STK35: variants seen among roughly 807,000 people sequenced by gnomAD.
STK35 encodes serine/threonine kinase 35.
A neutral mutation model predicts 37.3 loss-of-function variants in STK35; 17 were observed. The ratio of observed to expected loss-of-function variants is 0.46; its 90% CI spans 0.31 to 0.68. The LOEUF is 0.68. Ranked by LOEUF, STK35 falls within the 30% of genes least tolerant of loss-of-function variation. STK35 has a pLI of 0.05. For missense variants in STK35, 595 were observed against 746.7 expected, an observed-to-expected ratio of 0.80 and a Z score of 2.37; for synonymous variants, 385 against 319.1, an observed-to-expected ratio of 1.21 and a Z score of -2.20.
intron 3 of STK35, among the ~76,000 whole-genome samples, chr20:2,119,579 A>G (rs1985780702): frequency 6.6e-6 from 1 of 152,252 alleles, no homozygotes; most frequent in African/African-American, 2.4e-5. Context: ...CACCTTTACA[A>G]CCCTGCAAGG....
intron 3 of STK35, among the ~76,000 whole-genome samples, chr20:2,137,009 G>A (rs1420314773): frequency 6.6e-6 from 1 of 152,258 alleles, no homozygotes; most frequent in Non-Finnish European, 1.5e-5. Context: ...AGGAGCTGAA[G>A]ACCCAAAGCA....
At chr20:2,130,684 C>A (rs919779696) in intron 3 of STK35, among the ~76,000 whole-genome samples, 1 of 152,082 alleles carries the variant, frequency 6.6e-6, no homozygotes, top group South Asian at 2.1e-4. Context: ...TTGGGAAATA[C>A]TTTCTATTTT....
chr20:2,116,310 G>C (rs142046176), intron 2 of STK35, among the ~76,000 whole-genome samples: 1 of 152,202 alleles, frequency 6.6e-6, no homozygotes, highest in East Asian at 1.9e-4. Context: ...CAACAGACCC[G>C]TGACAGCCTT....
intron 3 of STK35, among the ~76,000 whole-genome samples, chr20:2,123,559 T>C (rs1050391105): frequency 6.6e-6 from 1 of 152,186 alleles, no homozygotes; most frequent in Non-Finnish European, 1.5e-5. Flanking sequence ...CCCAATTCAA[T>C]GACCAATTTT....
chr20:2,136,539 G>A (rs184668453), intron 3 of STK35, among the ~76,000 whole-genome samples: 3 of 152,226 alleles, frequency 2.0e-5, no homozygotes, highest in Non-Finnish European at 4.4e-5. Flanking sequence ...CAGTGGGAAC[G>A]TGTGCAGAGC....
At chr20:2,133,649 G>A (rs1344886229) in intron 3 of STK35, among the ~76,000 whole-genome samples, 2 of 152,216 alleles carry the variant, frequency 1.3e-5, no homozygotes, top group Non-Finnish European at 2.9e-5. Flanking sequence ...ATGACTCAGT[G>A]TGCAGCCCTG....
rs1259996096 is a variant in STK35, at chr20:2,102,128, G to T, written c.247G>T (p.Ala83Ser). The T allele has an allele frequency of 1.4e-6, 2 of 1,409,480 alleles. No individual in the cohort carries two copies. The highest frequency in any genetic ancestry group is 3.0e-5 in the African/African-American group (2 of 66,248). The allele number at this position is 1,409,480 out of a possible 1,614,324, so 87.3% of individuals were successfully genotyped here. Reference protein sequence around the residue: ...GPGADHPQAGAPGGKRAARKW... With the variant: ...GPGADHPQAGSPGGKRAARKW... ...CGGAGCGGACCATCCCCAGGCAGGG[G>T]CTCCAGGGGGGAAACGGGCCGCCCG... The change falls in exon 1 of 4, where the codon GCT becomes TCT. Residue 83 changes from alanine (A) to serine (S), a missense_variant. Ala to Ser is a moderately conservative substitution (Grantham distance 99). Transcript: ENST00000381482.
In STK35 at chr20:2,102,955, G is replaced by A. The variant is rs954406801; in HGVS notation, c.482G>A (p.Ser161Asn). 2 of 1,474,764 alleles carry A rather than the reference G, an allele frequency of 1.4e-6. No homozygotes were observed. The highest frequency in any genetic ancestry group is 1.8e-6 in the Non-Finnish European group (2 of 1,118,082). The allele number at this position is 1,474,764 out of a possible 1,614,324, so 91.4% of individuals were successfully genotyped here. ...KRRSPVPRAPSTKLRPAAAAR... is the reference protein window; with the variant it reads ...KRRSPVPRAPNTKLRPAAAAR... The stretch of plus-strand genomic sequence containing the variant: ...CGAAGCCCAGTGCCGCGGGCGCCCA[G>A]CACGAAGCTGAGGCCGGCGGCGGCG... Residue 161 changes from serine (S) to asparagine (N), a missense_variant, in exon 2 of 4, where the codon AGC becomes AAC. By Grantham distance (46) the Ser-to-Asn change is conservative. This residue lies in a region of STK35 where 389 missense variants were observed against 320.0 expected (regional missense o/e 1.22). Transcript: ENST00000381482.
chr20:2,147,895 T>C lies in STK35; in HGVS notation c.*4149T>C, dbSNP rs774894589. On this transcript the variant is annotated 3_prime_UTR_variant, in exon 4 of 4. Coordinates refer to ENST00000381482, the MANE Select transcript of STK35 (RefSeq NM_080836.4). ...GCTCTGCCAAGCTGTCGTACTGGGC[T>C]GTGGCACAGCCTTCGAGACAACACG... 6.6e-6 allele frequency: 1 copy of C among 152,232 alleles called. No individual in the cohort carries two copies. Among genetic ancestry groups the C allele is most frequent in the Non-Finnish European group, 1.5e-5 (1 of 68,050 alleles). 9.4% of individuals were successfully genotyped at this position (152,232 alleles called of 1,614,324 possible).
At chr20:2,129,233 T>C (rs1037894703) in intron 3 of STK35, among the ~76,000 whole-genome samples, 8 of 152,122 alleles carry the variant, frequency 5.3e-5, no homozygotes, top group Non-Finnish European at 7.4e-5. Flanking sequence ...GCCGTGGAGA[T>C]GAGAATTCCC....
rs563320872 is a variant in STK35, at chr20:2,106,237, A to G, written c.892+2872A>G. On this transcript the variant is annotated intron_variant, in intron 2 of 3. Transcript: ENST00000381482. The stretch of plus-strand genomic sequence containing the variant: ...TTACAGCATGCAAATACCACCCAGT[A>G]ATGTTAAAGCTGGAAGGAATCGTAG... Among the ~76,000 whole-genome samples, 3 of 152,336 alleles carry G rather than the reference A, an allele frequency of 2.0e-5. No individual in the cohort carries two copies. The East Asian group carries it at 5.8e-4, about 29-fold the overall frequency.
intron 3 of STK35, among the ~76,000 whole-genome samples, chr20:2,128,521 A>G (rs548810409): frequency 1.1e-4 from 17 of 152,226 alleles, no homozygotes; most frequent in African/African-American, 2.9e-4. Context: ...CCCTGGGACA[A>G]CTGACTCCCG....
rs559176378 is a variant in STK35 at position 2,148,230 on chromosome 20, T to C, written c.*4484T>C. Reference sequence around the variant, plus strand: ...CCGGGGAGTACATTGCAGTGACTTCTTAAACATTTGTGTGGGACAGACGAG... The same window carrying C: ...CCGGGGAGTACATTGCAGTGACTTCCTAAACATTTGTGTGGGACAGACGAG... On this transcript the variant is annotated 3_prime_UTR_variant, in exon 4 of 4. Coordinates refer to ENST00000381482, the MANE Select transcript of STK35 (RefSeq NM_080836.4). 5 of 152,758 alleles carry C rather than the reference T, an allele frequency of 3.3e-5. No individual in the cohort carries two copies. In the South Asian group the frequency reaches 1.0e-3, roughly 32 times the overall value. 9.5% of individuals were successfully genotyped at this position (152,758 alleles called of 1,614,324 possible).
In STK35 at chr20:2,101,981, A is replaced by T. The variant is rs747800456; in HGVS notation, c.100A>T (p.Ser34Cys). 1.4e-5 allele frequency: 22 copies of T among 1,525,438 alleles called. No individual in the cohort carries two copies. The Middle Eastern group carries it at 1.6e-3, about 113-fold the overall frequency. 94.5% of individuals were successfully genotyped at this position (1,525,438 alleles called of 1,614,324 possible). Residue 34 changes from serine (S) to cysteine (C), a missense_variant, in exon 1 of 4, where the codon AGC (serine) becomes TGC (cysteine). Around this residue, in one of 3 missense-constraint regions of STK35, gnomAD observed 389 missense variants for 320.0 expected, o/e 1.22. Coordinates refer to ENST00000381482, the MANE Select transcript of STK35 (RefSeq NM_080836.4). ...GCTCAGCTGGCGCGAACACGTGGAA[A>T]GCCACGGGAGCCTAGGAGCCCAGGC... ...KGLSWREHVESHGSLGAQASP... is the reference protein window; with the variant it reads ...KGLSWREHVECHGSLGAQASP...
intron 3 of STK35, among the ~76,000 whole-genome samples, chr20:2,121,588 A>G (rs1320214917): frequency 6.6e-6 from 1 of 152,170 alleles, no homozygotes; most frequent in East Asian, 1.9e-4. Flanking sequence ...ATGAGTCTGG[A>G]GTTCAAGGGA....
In STK35 at chr20:2,102,663, A is replaced by T. The variant is rs1600594721; in HGVS notation, c.295-105A>T. The T allele has an allele frequency of 1.1e-5, 13 of 1,135,698 alleles. No homozygotes were observed. The East Asian group carries it at 4.2e-4, about 36-fold the overall frequency. The allele number at this position is 1,135,698 out of a possible 1,614,324, so 70.4% of individuals were successfully genotyped here. On this transcript the variant is annotated intron_variant, in intron 1 of 3. Coordinates refer to ENST00000381482, the MANE Select transcript of STK35 (RefSeq NM_080836.4). The stretch of plus-strand genomic sequence containing the variant: ...ATCAGCGGCGGTGGCTTCCGTCTTA[A>T]AGGGGCCGCGGCGGCCGGGGGAGGA...
chr20:2,113,680 GA>G (rs1371289945), intron 2 of STK35, among the ~76,000 whole-genome samples: 6 of 152,184 alleles, frequency 3.9e-5, no homozygotes, highest in African/African-American at 1.4e-4. Flanking sequence ...TGGGATTATT[GA>G]AATCGGTGAC....
Position 2,116,934 on chromosome 20 carries a change from C to A in STK35, c.1161C>A (p.Val387=), listed in dbSNP as rs1227496478. 2 of 1,614,146 alleles carry A rather than the reference C, an allele frequency of 1.2e-6. No individual in the cohort carries two copies. Among genetic ancestry groups the A allele is most frequent in the Admixed American group, 3.3e-5 (2 of 60,018 alleles). ...LKVADFGLSK[V]CAGLAPRGKE... ...TGGCCGACTTTGGACTAAGCAAGGTCTGTGCTGGGCTGGCACCCCGAGGCA... is the reference window on the plus strand; with the variant it reads ...TGGCCGACTTTGGACTAAGCAAGGTATGTGCTGGGCTGGCACCCCGAGGCA... The change falls in exon 3 of 4, where the codon GTC becomes GTA. Residue 387 remains valine (V), a synonymous_variant. Transcript: ENST00000381482.
At chr20:2,104,753 G>A (rs73577247) in intron 2 of STK35, among the ~76,000 whole-genome samples, 1,616 of 152,234 alleles carry the variant, frequency 0.011, 24 homozygotes, top group African/African-American at 0.034. Context: ...ACATGAATCA[G>A]TATCACCTAG....
Sources: gnomAD v4.1 joint callset for allele counts (sites outside exome capture counted in the v4.1 genomes callset) on GRCh38, gnomAD v4.1.1 for gene constraint, gnomAD v4.1.1 regional missense constraint, MANE v1.5 for transcripts, NCBI Gene and HGNC (gene_info 2026-07-23, HGNC 2026-07-21) for gene names.